GLIPR1L1: variants seen among roughly 807,000 people sequenced by gnomAD.
GLIPR1L1 encodes the protein GLIPR1-like protein 1.
A neutral mutation model predicts 29.9 loss-of-function variants in GLIPR1L1; 26 were observed. The ratio of observed to expected loss-of-function variants is 0.87; its 90% confidence interval spans 0.64 to 1.21. GLIPR1L1 has a LOEUF of 1.21. Among genes scored for constraint, GLIPR1L1 ranks in the 50% most tolerant of loss-of-function variants. The pLI is 0.00. For synonymous variants in GLIPR1L1, 77 were observed against 97.5 expected (o/e 0.79, Z 1.24); for missense variants, 305 against 290.3 (o/e 1.05, Z -0.37).
chr12:75,350,432 C>T (rs1403787078), intron 3 of GLIPR1L1, among the ~76,000 whole-genome samples: 1 of 152,190 alleles, frequency 6.6e-6, no homozygotes, highest in Non-Finnish European at 1.5e-5. Flanking sequence ...GCACTGCATA[C>T]AGGAGCATTC....
chr12:75,358,266 G>T (rs55856546), intron 3 of GLIPR1L1, among the ~76,000 whole-genome samples: 8,220 of 151,668 alleles, frequency 0.054, 275 homozygotes, highest in African/African-American at 0.094. Flanking sequence ...AATTACACAG[G>T]AGAAATAAAG....
At chr12:75,341,068 G>A (rs1038234632) in intron 1 of GLIPR1L1, among the ~76,000 whole-genome samples, 3 of 151,330 alleles carry the variant, frequency 2.0e-5, no homozygotes, top group Non-Finnish European at 2.9e-5. Flanking sequence ...ACTTACATAT[G>A]ACTTAGACTT....
At chr12:75,349,327 T>C (rs2042655000) in intron 3 of GLIPR1L1, among the ~76,000 whole-genome samples, 1 of 152,116 alleles carries the variant, frequency 6.6e-6, no homozygotes. Flanking sequence ...AAAATGATTA[T>C]AAAAGCACAG....
intron 3 of GLIPR1L1, chr12:75,360,287 C>T (rs2043484377): frequency 6.6e-6 from 1 of 152,156 alleles, no homozygotes; most frequent in African/African-American, 2.4e-5. Flanking sequence ...CAACAGTCCC[C>T]CAAAATTTTA....
chr12:75,335,126 G>A (rs942217403), intron 1 of GLIPR1L1, among the ~76,000 whole-genome samples: 1 of 152,122 alleles, frequency 6.6e-6, no homozygotes, highest in African/African-American at 2.4e-5. Flanking sequence ...GGGGAAGGTG[G>A]GGATGCTGGA....
At chr12:75,336,349 A>G (rs2041738299) in intron 1 of GLIPR1L1, among the ~76,000 whole-genome samples, 1 of 151,876 alleles carries the variant, frequency 6.6e-6, no homozygotes, top group Admixed American at 6.5e-5. Flanking sequence ...AACCATGTTA[A>G]AATTACATTA....
At chr12:75,342,771 C>G (rs2042200916) in intron 1 of GLIPR1L1, among the ~76,000 whole-genome samples, 1 of 152,022 alleles carries the variant, frequency 6.6e-6, no homozygotes, top group Admixed American at 6.6e-5. Flanking sequence ...AATCAATATT[C>G]TTTTGCAATA....
At chr12:75,366,709 A>G in intron 4 of GLIPR1L1, 1 of 572,098 alleles carries the variant, frequency 1.7e-6, no homozygotes, top group Non-Finnish European at 3.1e-6. Flanking sequence ...TTGCAGATCA[A>G]TGTGTGCTGA....
intron 4 of GLIPR1L1, among the ~76,000 whole-genome samples, chr12:75,366,245 AT>A (rs1056833158): frequency 7.1e-4 from 108 of 152,270 alleles, no homozygotes; most frequent in African/African-American, 2.5e-3. Flanking sequence ...GAAAGATCCC[AT>A]TTTTTATTTC....
At chr12:75,355,498 T>C (rs2043096401) in intron 3 of GLIPR1L1, among the ~76,000 whole-genome samples, 1 of 152,020 alleles carries the variant, frequency 6.6e-6, no homozygotes, top group African/African-American at 2.4e-5. Flanking sequence ...TGTGGAGAAA[T>C]AGGAACGTTT....
At chr12:75,343,582 A>T in intron 1 of GLIPR1L1, 111 bp from the exon 2 acceptor site, 1 of 821,514 alleles carries the variant, frequency 1.2e-6, no homozygotes, top group Non-Finnish European at 1.9e-6. Flanking sequence ...AAGAAAAACT[A>T]CATCTTATTA....
chr12:75,342,963 A>AT (rs11418471), intron 1 of GLIPR1L1, among the ~76,000 whole-genome samples: 70,812 of 151,620 alleles, frequency 0.47, 16,579 homozygotes, highest in East Asian at 0.51. Flanking sequence ...TATATAATAG[A>AT]TTTTGCATAT....
chr12:75,357,273 T>A (rs888777325), intron 3 of GLIPR1L1, among the ~76,000 whole-genome samples: 2 of 152,176 alleles, frequency 1.3e-5, no homozygotes, highest in African/African-American at 4.8e-5. Flanking sequence ...CAGAGATAAA[T>A]TTCACTTCAC....
intron 4 of GLIPR1L1, among the ~76,000 whole-genome samples, chr12:75,368,513 T>C (rs1292649313): frequency 1.3e-5 from 2 of 151,808 alleles, no homozygotes; most frequent in Non-Finnish European, 2.9e-5. Flanking sequence ...AGGAATACAA[T>C]ATTACGTTAT....
At chr12:75,347,457 A>T (rs1468312052) in intron 2 of GLIPR1L1, among the ~76,000 whole-genome samples, 165 bp from the exon 3 acceptor site, 1 of 152,134 alleles carries the variant, frequency 6.6e-6, no homozygotes, top group Admixed American at 6.5e-5. Flanking sequence ...CCATGACAAT[A>T]TAAGAATTTT....
At chr12:75,355,294 A>G (rs1365212189) in intron 3 of GLIPR1L1, among the ~76,000 whole-genome samples, 1 of 152,000 alleles carries the variant, frequency 6.6e-6, no homozygotes, top group Non-Finnish European at 1.5e-5. Flanking sequence ...ACAAAAAATC[A>G]TTCAAAAATG....
At position 75,359,235 on chromosome 12, in the gene GLIPR1L1, C is replaced by T. The variant is rs567422198; in HGVS notation, c.522-3867C>T. Among the ~76,000 whole-genome samples the T allele has an allele frequency of 1.5e-4, 23 of 151,072 alleles. No homozygotes were observed. The South Asian group carries it at 4.8e-3, about 31-fold the overall frequency. On this transcript the variant is annotated intron_variant, in intron 3 of 5. Coordinates refer to ENST00000378695, the MANE Select transcript of GLIPR1L1 (RefSeq NM_001304964.2). ...AAATATAAATTATCTAGGAATAGAT[C>T]TGGCAAAAGAAAGAGACATGTACTG...
chr12:75,337,113 G>C (rs2041786991), intron 1 of GLIPR1L1, among the ~76,000 whole-genome samples: 1 of 151,718 alleles, frequency 6.6e-6, no homozygotes, highest in Admixed American at 6.6e-5. Context: ...AGAAGTGTTT[G>C]GAAGCATACG....
intron 1 of GLIPR1L1, among the ~76,000 whole-genome samples, chr12:75,336,285 A>G (rs2041733775): frequency 6.6e-6 from 1 of 151,882 alleles, no homozygotes; most frequent in African/African-American, 2.4e-5. Flanking sequence ...GGAACAAGGA[A>G]CAAAAGAACA....
Sources: gnomAD v4.1 joint callset for allele counts (sites outside exome capture counted in the v4.1 genomes callset) on GRCh38, gnomAD v4.1.1 for gene constraint, MANE v1.5 for transcripts, NCBI Gene and HGNC (gene_info 2026-07-23, HGNC 2026-07-21) for gene names.